The following PLEKHA6 variants were observed in gnomAD, a reference collection of about 807,000 sequenced individuals.
The protein encoded by PLEKHA6 is pleckstrin homology domain containing A6, also known as pleckstrin homology domain-containing family A member 6.
Under a neutral mutation model 116.7 loss-of-function variants are expected in PLEKHA6, and 60 were observed. The observed-to-expected ratio is 0.51, with a 90% CI of 0.42 to 0.64. PLEKHA6 has a LOEUF of 0.64. Ranked by LOEUF, PLEKHA6 falls within the 30% of genes least tolerant of loss-of-function variation. The pLI is 0.00. For synonymous variants in PLEKHA6, 489 were observed against 556.1 expected, an observed-to-expected ratio of 0.88 and a Z score of 1.70; for missense variants, 1,338 against 1,422.7, an observed-to-expected ratio of 0.94 and a Z score of 0.96.
chr1:204,321,565 C>A (rs1488682235), intron 1 of PLEKHA6, among the ~76,000 whole-genome samples: 3 of 151,650 alleles, frequency 2.0e-5, no homozygotes, highest in Non-Finnish European at 4.4e-5. Context: ...CTCAACCCTT[C>A]CACCCTACCC....
At chr1:204,298,277 C>A (rs1670481634) in intron 1 of PLEKHA6, among the ~76,000 whole-genome samples, 1 of 152,200 alleles carries the variant, frequency 6.6e-6, no homozygotes, top group South Asian at 2.1e-4. Context: ...GAATGAGGGA[C>A]AATGGATGGA....
intron 21 of PLEKHA6, among the ~76,000 whole-genome samples, chr1:204,226,003 C>T (rs1170568901): frequency 6.6e-6 from 1 of 152,246 alleles, no homozygotes; most frequent in Non-Finnish European, 1.5e-5. Flanking sequence ...TTACTCTGTC[C>T]ATGCCACACA....
At chr1:204,226,021 CG>C (rs1660312853) in intron 21 of PLEKHA6, among the ~76,000 whole-genome samples, 1 of 152,236 alleles carries the variant, frequency 6.6e-6, no homozygotes, top group Non-Finnish European at 1.5e-5. Flanking sequence ...ACACCACACG[CG>C]GGCACTGAAC....
At chr1:204,227,325 G>A (rs1239289473) in intron 21 of PLEKHA6, among the ~76,000 whole-genome samples, 1 of 152,126 alleles carries the variant, frequency 6.6e-6, no homozygotes, top group Non-Finnish European at 1.5e-5. Context: ...TTGATGAAGG[G>A]AACAGTCTCC....
At chr1:204,271,248 C>T (rs1330394351) in intron 3 of PLEKHA6, among the ~76,000 whole-genome samples, 1 of 152,196 alleles carries the variant, frequency 6.6e-6, no homozygotes, top group African/African-American at 2.4e-5. Flanking sequence ...TGCCTAAAAC[C>T]TGTCACAATG....
At chr1:204,329,848 A>C (rs1468623398) in intron 1 of PLEKHA6, among the ~76,000 whole-genome samples, 1 of 151,304 alleles carries the variant, frequency 6.6e-6, no homozygotes, top group East Asian at 1.9e-4. Flanking sequence ...TGAGGCCAGG[A>C]GTTTGAGACC....
chr1:204,285,690 T>C (rs1669092449), intron 1 of PLEKHA6, among the ~76,000 whole-genome samples: 2 of 152,196 alleles, frequency 1.3e-5, no homozygotes, highest in African/African-American at 4.8e-5. Context: ...TTGGCCAGGC[T>C]CATTATTTTT....
intron 1 of PLEKHA6, chr1:204,325,846 C>T (rs1446167235): frequency 3.6e-5 from 34 of 951,610 alleles, no homozygotes; most frequent in East Asian, 2.3e-4. Flanking sequence ...AGGGCCCAGG[C>T]GAACAAGGGG....
At position 204,264,963 on chromosome 1, in the gene PLEKHA6, G is replaced by T. The variant is rs373535195; in HGVS notation, c.360C>A (p.Ile120=). The T allele has an allele frequency of 6.2e-7, 1 of 1,613,784 alleles. No individual in the cohort carries two copies. The highest frequency in any genetic ancestry group is 1.1e-5 in the South Asian group (1 of 91,082). The change falls in exon 6 of 23, where the codon ATC becomes ATA. Residue 120 remains isoleucine (I), a synonymous_variant. Coordinates refer to ENST00000272203, the MANE Select transcript of PLEKHA6 (RefSeq NM_014935.5). ...TGACCTTAAACGTGTGTTTCCGGCTGATGTTGTCTGAGGGCTGCACTGCGG... is the reference window on the plus strand; with the variant it reads ...TGACCTTAAACGTGTGTTTCCGGCTTATGTTGTCTGAGGGCTGCACTGCGG... ...RVAAVQPSDN[I]SRKHTFKAEH...
intron 1 of PLEKHA6, chr1:204,317,304 G>T: frequency 2.2e-6 from 1 of 460,788 alleles, no homozygotes; most frequent in Non-Finnish European, 2.9e-6. Context: ...AGCCTTTCCT[G>T]ATTTGAGTCT....
In PLEKHA6 at chr1:204,261,306, C is replaced by T; in HGVS notation, c.524G>A (p.Ser175Asn). The change falls in exon 7 of 23, where the codon AGC (serine) becomes AAC (asparagine). Residue 175 changes from serine (S) to asparagine (N), a missense_variant and splice_region_variant. By Grantham distance (46) the Ser-to-Asn change is conservative (BLOSUM62 1). This residue lies in a region of PLEKHA6 where 140 missense variants were observed against 197.4 expected (regional missense o/e 0.71). Coordinates refer to ENST00000272203, the MANE Select transcript of PLEKHA6 (RefSeq NM_014935.5). The surrounding 1 kb of genome is among the most constrained non-coding windows in gnomAD (Gnocchi z 4.0). ...QKSVPQAVRH[S>N]HEKPDSENVP... ...CCACACTCAATTCCCTGGCACTCACCTGTGCCGCACAGCTTGGGGCACTGA... is the reference window on the plus strand; with the variant it reads ...CCACACTCAATTCCCTGGCACTCACTTGTGCCGCACAGCTTGGGGCACTGA... 1.9e-6 allele frequency: 3 copies of T among 1,614,166 alleles called. No individual in the cohort carries two copies. The highest frequency in any genetic ancestry group is 2.5e-6 in the Non-Finnish European group (3 of 1,180,000).
intron 1 of PLEKHA6, among the ~76,000 whole-genome samples, chr1:204,320,246 G>C (rs954860261): frequency 6.6e-6 from 1 of 152,194 alleles, no homozygotes; most frequent in East Asian, 1.9e-4. Context: ...TTGGGTGATG[G>C]AAGTGGATTT....
At position 204,376,666 on chromosome 1, in the gene PLEKHA6, C is replaced by T. The variant is rs781675622; in HGVS notation, c.83+917G>A. ...GGCTGAGTCCCAGCTCTGATTAACA[C>T]GTGGTTTTCTCTTAGACCGGTACTT... On this transcript the variant is annotated intron_variant, in intron 1 of 4. Coordinates refer to the PLEKHA6 transcript ENST00000564627. Among the ~76,000 whole-genome samples the T allele has an allele frequency of 5.9e-5, 9 of 152,234 alleles. No homozygotes were observed. In the East Asian group the frequency reaches 9.6e-4, roughly 16 times the overall value.
At chr1:204,355,776 T>A (rs1673396849) in intron 1 of PLEKHA6, among the ~76,000 whole-genome samples, 4 of 152,146 alleles carry the variant, frequency 2.6e-5, no homozygotes, top group African/African-American at 7.2e-5. Context: ...CACTGCCTTT[T>A]AAGAAAAGCC....
chr1:204,229,196 C>T (rs959729400), intron 18 of PLEKHA6, 92 bp from the exon 19 acceptor site: 27 of 1,274,424 alleles, frequency 2.1e-5, no homozygotes, highest in South Asian at 8.0e-5. Context: ...CTTCCCAGCT[C>T]GCCTGATCTA....
In PLEKHA6 at chr1:204,223,368, C is replaced by A. The variant is rs545275773; in HGVS notation, c.*8+94G>T. On this transcript the variant is annotated intron_variant, in intron 22 of 22. Transcript: ENST00000272203. The surrounding 1 kb of genome is among the most constrained non-coding windows in gnomAD (Gnocchi z 4.8). ...ACAGGGCACTGGGGTAGGGGAGAAG[C>A]AATACCAAAATGAGAGGGCATAGAT... The A allele has an allele frequency of 2.8e-6, 2 of 722,304 alleles. No individual in the cohort carries two copies. Among genetic ancestry groups the A allele is most frequent in the East Asian group, 5.4e-5 (2 of 37,206 alleles). 44.7% of individuals were successfully genotyped at this position (722,304 alleles called of 1,614,324 possible). A position where few individuals can be genotyped will look rare whatever the true frequency, so the allele number is the denominator to read the frequency against.
chr1:204,257,505 G>A lies in PLEKHA6; in HGVS notation c.1372C>T (p.Arg458Cys), dbSNP rs752263935. The change falls in exon 9 of 23, where the codon CGC (arginine) becomes TGC (cysteine). Residue 458 changes from arginine to cysteine, a missense_variant. Around this residue, in one of 3 missense-constraint regions of PLEKHA6, gnomAD observed 1,136 missense variants for 1,163.6 expected, o/e 0.98. Coordinates refer to ENST00000272203, the MANE Select transcript of PLEKHA6 (RefSeq NM_014935.5). This position sits in a 1 kb window ranked among gnomAD's most constrained non-coding sequence, Gnocchi z 6.5. ...CTGTAGGAGCCCTGGCTGGGTGAGCGGGGCACAGAGTGGGAGCGGGGCTGC... is the reference window on the plus strand; with the variant it reads ...CTGTAGGAGCCCTGGCTGGGTGAGCAGGGCACAGAGTGGGAGCGGGGCTGC... ...SLQPRSHSVP[R>C]SPSQGSYSRA... 7.6e-6 allele frequency: 12 copies of A among 1,586,448 alleles called. No individual in the cohort carries two copies. Among genetic ancestry groups the A allele is most frequent in the East Asian group, 4.6e-5 (2 of 43,848 alleles).
chr1:204,353,119 C>G (rs989964513), intron 1 of PLEKHA6, among the ~76,000 whole-genome samples: 13 of 152,214 alleles, frequency 8.5e-5, no homozygotes, highest in African/African-American at 3.1e-4. Flanking sequence ...CACTTAATTC[C>G]ATGCTGTCTC....
At chr1:204,297,271 A>C in intron 1 of PLEKHA6, 1 of 898,262 alleles carries the variant, frequency 1.1e-6, no homozygotes, top group African/African-American at 1.8e-5. Flanking sequence ...GAGTGTCTAA[A>C]TGTAAATTTC....
Sources: allele counts gnomAD v4.1 joint callset (sites outside exome capture counted in the v4.1 genomes callset), GRCh38; gene constraint gnomAD v4.1.1; regional missense constraint gnomAD v4.1.1; non-coding constraint Gnocchi (gnomAD v3.1); transcripts MANE v1.5; gene names NCBI Gene and HGNC (gene_info 2026-07-23, HGNC 2026-07-21).